SLC8A1: variants seen among roughly 807,000 people sequenced by gnomAD.
SLC8A1 encodes sodium/calcium exchanger 1.
In SLC8A1, 18 loss-of-function variants were observed where a neutral mutation model predicts 68.3. That is an observed-to-expected ratio of 0.26 (90% CI 0.18 to 0.39). The LOEUF is 0.39. Ranked by LOEUF, SLC8A1 falls within the 10% of genes least tolerant of loss-of-function variation. The pLI is 1.00. For missense variants in SLC8A1, 985 were observed against 1,156.7 expected (o/e 0.85, Z 2.15); for synonymous variants, 475 against 415.5 (o/e 1.14, Z -1.74).
intron 2 of SLC8A1, among the ~76,000 whole-genome samples, chr2:40,356,535 C>A (rs1021343255): frequency 1.3e-5 from 2 of 150,824 alleles, no homozygotes; most frequent in Non-Finnish European, 3.0e-5. Flanking sequence ...AAAAAAAAAA[C>A]TGCCTTTCAA....
chr2:40,227,460 A>G (rs930333431), intron 2 of SLC8A1, among the ~76,000 whole-genome samples: 1 of 152,100 alleles, frequency 6.6e-6, no homozygotes, highest in African/African-American at 2.4e-5. Flanking sequence ...GCAAACTGAC[A>G]CAGGAACCGA....
At chr2:40,286,818 G>C (rs1449970830) in intron 2 of SLC8A1, among the ~76,000 whole-genome samples, 3 of 152,198 alleles carry the variant, frequency 2.0e-5, no homozygotes, top group Non-Finnish European at 4.4e-5. Context: ...GGATCATGTT[G>C]TCTTATACAT....
chr2:40,482,831 C>A (rs1359529371), intron 1 of SLC8A1, among the ~76,000 whole-genome samples: 1 of 147,464 alleles, frequency 6.8e-6, no homozygotes, highest in African/African-American at 2.5e-5. Context: ...CGCTCTGTAG[C>A]CCAGGTTGGA....
At position 40,175,293 on chromosome 2, in the gene SLC8A1, A is replaced by T; in HGVS notation, c.1913-451T>A. The T allele has an allele frequency of 6.2e-7, 1 of 1,612,206 alleles. No individual in the cohort carries two copies. The highest frequency in any genetic ancestry group is 8.5e-7 in the Non-Finnish European group (1 of 1,178,634). On this transcript the variant is annotated intron_variant, in intron 3 of 7. Transcript: ENST00000406785. ...ATTCAATAACAGGGCTGTGAAGGAA[A>T]CAGACAAAGACAAACACAGAATAAG...
At chr2:40,478,653 C>A (rs564178889) in intron 1 of SLC8A1, among the ~76,000 whole-genome samples, 2 of 152,010 alleles carry the variant, frequency 1.3e-5, no homozygotes, top group East Asian at 3.9e-4. Context: ...CTGATGAGTT[C>A]CAAAATCTCT....
At chr2:40,391,951 A>T (rs1477752415) in intron 2 of SLC8A1, among the ~76,000 whole-genome samples, 1 of 152,104 alleles carries the variant, frequency 6.6e-6, no homozygotes, top group Non-Finnish European at 1.5e-5. Context: ...ATAAATACAA[A>T]GTATCGATGA....
At chr2:40,404,238 G>A (rs1009853261) in intron 2 of SLC8A1, among the ~76,000 whole-genome samples, 2 of 152,112 alleles carry the variant, frequency 1.3e-5, no homozygotes, top group African/African-American at 4.8e-5. Context: ...AACTTTAATG[G>A]AAGAAAGGCT....
intron 1 of SLC8A1, among the ~76,000 whole-genome samples, chr2:40,507,076 G>A (rs1398118993): frequency 1.3e-5 from 2 of 151,970 alleles, no homozygotes; most frequent in Non-Finnish European, 2.9e-5. Flanking sequence ...ATAAGCAAAT[G>A]TAAGTTAATT....
Position 40,329,341 on chromosome 2 carries a change from T to C in SLC8A1, c.1808+99132A>G, listed in dbSNP as rs142445647. Among the ~76,000 whole-genome samples the C allele has an allele frequency of 3.7e-4, 56 of 152,348 alleles. 2 individuals are homozygous for C. In the South Asian group the frequency reaches 6.6e-3, roughly 18 times the overall value. On this transcript the variant is annotated intron_variant, in intron 2 of 7. Coordinates refer to ENST00000406785, the Ensembl canonical transcript of SLC8A1. ...AGCACTGAATGGTTAATTTTCTTGC[T>C]GCCTGTGCAACTACAATGTTCCCTT...
intron 2 of SLC8A1, among the ~76,000 whole-genome samples, chr2:40,408,526 A>G (rs965080348): frequency 6.6e-6 from 1 of 152,216 alleles, no homozygotes; most frequent in Non-Finnish European, 1.5e-5. Context: ...GACACAGTAA[A>G]ACATAATTCA....
At chr2:40,208,553 T>A (rs2055940594) in intron 2 of SLC8A1, 2 of 152,130 alleles carry the variant, frequency 1.3e-5, no homozygotes, top group Admixed American at 1.3e-4. Flanking sequence ...CTCCCTTTTT[T>A]CTAGGCATCG....
chr2:40,358,276 C>CAAAA (rs375073331), intron 2 of SLC8A1, among the ~76,000 whole-genome samples: 1 of 135,310 alleles, frequency 7.4e-6, no homozygotes, highest in African/African-American at 2.6e-5. Flanking sequence ...CAGATTAAGA[C>CAAAA]AAAAAAAAAA....
chr2:40,228,179 A>G (rs1018022874), intron 2 of SLC8A1, among the ~76,000 whole-genome samples: 1 of 152,184 alleles, frequency 6.6e-6, no homozygotes, highest in Non-Finnish European at 1.5e-5. Context: ...CAGTCATCCC[A>G]TATATTTTCA....
upstream of SLC8A1, among the ~76,000 whole-genome samples, chr2:40,456,934 G>A (rs1703057280): frequency 6.6e-5 from 10 of 152,176 alleles, no homozygotes; most frequent in South Asian, 2.1e-3. Context: ...AATGAAAAAA[G>A]CTGCTTGTGA....
At chr2:40,382,675 C>A (rs960579391) in intron 2 of SLC8A1, among the ~76,000 whole-genome samples, 2 of 124,846 alleles carry the variant, frequency 1.6e-5, no homozygotes, top group East Asian at 4.3e-4. Context: ...AACTGAAAAT[C>A]GTATATTATA....
chr2:40,121,836 A>C (rs2125108861), intron 7 of SLC8A1, among the ~76,000 whole-genome samples: 1 of 152,282 alleles, frequency 6.6e-6, no homozygotes, highest in South Asian at 2.1e-4. Flanking sequence ...TATTAATTTG[A>C]CAATCCTTTG....
At chr2:40,174,289 CATGTATTTTT>C (rs1209633517) in intron 4 of SLC8A1, among the ~76,000 whole-genome samples, 8 of 151,960 alleles carry the variant, frequency 5.3e-5, no homozygotes, top group Non-Finnish European at 1.0e-4. Context: ...ATTTTCTCAA[CATGTATTTTT>C]ATGTATTTTC....
chr2:40,426,811 G>A (rs1696979901), intron 2 of SLC8A1, among the ~76,000 whole-genome samples: 1 of 151,898 alleles, frequency 6.6e-6, no homozygotes. Flanking sequence ...ATCTACTACA[G>A]AAGGGTTCAA....
chr2:40,285,784 T>C (rs1263462487), intron 2 of SLC8A1, among the ~76,000 whole-genome samples: 4 of 152,216 alleles, frequency 2.6e-5, no homozygotes, highest in African/African-American at 9.6e-5. Context: ...AAATAATTAG[T>C]TAACTGAGAT....
Sources: gnomAD v4.1 joint callset for allele counts (sites outside exome capture counted in the v4.1 genomes callset) on GRCh38, gnomAD v4.1.1 for gene constraint, MANE v1.5 for transcripts, NCBI Gene and HGNC (gene_info 2026-07-23, HGNC 2026-07-21) for gene names.